Variants in DAB2IP observed in about 807,000 individuals in gnomAD.
DAB2IP encodes the protein DAB2 interacting protein.
A neutral mutation model predicts 107.2 loss-of-function variants in DAB2IP; 28 were observed. The observed-to-expected ratio is 0.26, with a 90% confidence interval of 0.19 to 0.36. The LOEUF (loss-of-function observed/expected upper bound fraction) is 0.36, where lower values mean the gene tolerates loss of function less well. Among genes scored for constraint, DAB2IP ranks in the 10% least tolerant of loss-of-function variants. The pLI, the probability that DAB2IP is intolerant of heterozygous loss-of-function variation, is 1.00. For synonymous variants in DAB2IP, 755 were observed against 706.4 expected (o/e 1.07, Z -1.09); for missense variants, 1,400 against 1,644.7 (o/e 0.85, Z 2.57).
chr9:121,615,704 G>T (rs527366176), intron 1 of DAB2IP, among the ~76,000 whole-genome samples: 1 of 151,192 alleles, frequency 6.6e-6, no homozygotes, highest in East Asian at 2.0e-4. Context: ...TCAGCTCACT[G>T]CAACCTTGGC....
At position 121,651,819 on chromosome 9, in the gene DAB2IP, C is replaced by T. The variant is rs1190231583; in HGVS notation, c.44C>T (p.Ser15Phe). ...GCCAGGAAGAGCACCGGGAGGTCCT[C>T]CTACTACTACCGGCTGCTGAGGCGG... Residue 15 changes from serine to phenylalanine, a missense_variant, in exon 1 of 16, where the codon TCC becomes TTC. Around this residue, in one of 3 missense-constraint regions of DAB2IP, gnomAD observed 283 missense variants for 237.0 expected, o/e 1.19. Transcript: ENST00000408936. This position sits in a 1 kb window ranked among gnomAD's most constrained non-coding sequence, Gnocchi z 5.1. 2.0e-6 allele frequency: 3 copies of T among 1,470,832 alleles called. No individual in the cohort carries two copies. Among genetic ancestry groups the T allele is most frequent in the Admixed American group, 2.2e-5 (1 of 46,334 alleles). The allele number at this position is 1,470,832 out of a possible 1,614,324, so 91.1% of individuals were successfully genotyped here.
rs1394439626 is a variant in DAB2IP at position 121,634,079 on chromosome 9, G to T, written c.41-44599G>T. On this transcript the variant is annotated intron_variant, in intron 1 of 16. Transcript: ENST00000259371. This position sits in a 1 kb window ranked among gnomAD's most constrained non-coding sequence, Gnocchi z 4.7. ...CCCACCAGACTGTCAGCTCTCTGAG[G>T]ACAGGGACTGTGTCAGAGCCCTCTC... 6.6e-6 allele frequency among the ~76,000 whole-genome samples: 1 copy of T among 152,156 alleles called. No individual in the cohort carries two copies. Among genetic ancestry groups the T allele is most frequent in the Non-Finnish European group, 1.5e-5 (1 of 68,036 alleles).
At chr9:121,759,026 G>A in intron 5 of DAB2IP, 30 bp downstream of exon 5, 1 of 1,590,458 alleles carries the variant, frequency 6.3e-7, no homozygotes, top group Non-Finnish European at 8.6e-7. Flanking sequence ...ACCAAAGCAT[G>A]GGGGATTGAA....
intron 3 of DAB2IP, among the ~76,000 whole-genome samples, chr9:121,739,965 C>T (rs910675507): frequency 1.3e-5 from 2 of 152,084 alleles, no homozygotes; most frequent in Non-Finnish European, 2.9e-5. Flanking sequence ...CCTGGGTTCA[C>T]GGGGTAGTAA....
At chr9:121,638,518 G>C (rs922528569) in intron 1 of DAB2IP, among the ~76,000 whole-genome samples, 1 of 152,170 alleles carries the variant, frequency 6.6e-6, no homozygotes, top group Non-Finnish European at 1.5e-5. Context: ...TGGAGGAGGC[G>C]GTGAATTGAG....
At chr9:121,642,006 TC>T (rs1832342106) in intron 1 of DAB2IP, among the ~76,000 whole-genome samples, 1 of 21,638 alleles carries the variant, frequency 4.6e-5, no homozygotes, top group African/African-American at 3.0e-4. Flanking sequence ...TCTCTCTCTC[TC>T]TCTCTCTCTC....
At chr9:121,762,463 A>C (rs552888530) in intron 6 of DAB2IP, among the ~76,000 whole-genome samples, 11 of 152,248 alleles carry the variant, frequency 7.2e-5, no homozygotes, top group African/African-American at 2.4e-4. Flanking sequence ...TCCTCAGGCC[A>C]CATGATCCCC....
chr9:121,713,033 T>C (rs1449652961), intron 3 of DAB2IP, among the ~76,000 whole-genome samples: 1 of 152,180 alleles, frequency 6.6e-6, no homozygotes, highest in East Asian at 1.9e-4. Context: ...TCTTGTAAAC[T>C]TCCCCCTTTG....
chr9:121,766,743 T>TGAG lies in DAB2IP; in HGVS notation c.1697+13_1697+14insGAG. On this transcript the variant is annotated intron_variant, in intron 9 of 15. Transcript: ENST00000408936. ...CCAACTTTGCCAAGTGAGTGCCTCC[T>TGAG]CCCTCACCAGGCAGAGTTGGGCAGG... 1 of 1,613,178 alleles carries TGAG rather than the reference T, an allele frequency of 6.2e-7. No individual in the cohort carries two copies.
chr9:121,759,215 A>G (rs1833709852), intron 5 of DAB2IP, among the ~76,000 whole-genome samples: 1 of 152,166 alleles, frequency 6.6e-6, no homozygotes, highest in African/African-American at 2.4e-5. Context: ...TAAGCTACAC[A>G]TTGAGGCTGG....
chr9:121,690,453 G>A (rs556538798), intron 2 of DAB2IP, among the ~76,000 whole-genome samples: 34 of 152,286 alleles, frequency 2.2e-4, no homozygotes, highest in South Asian at 1.2e-3. Flanking sequence ...AGGGCTGGCT[G>A]AGAGCTTAAA....
At chr9:121,732,847 T>C (rs1342358020) in intron 3 of DAB2IP, among the ~76,000 whole-genome samples, 1 of 152,170 alleles carries the variant, frequency 6.6e-6, no homozygotes, top group Non-Finnish European at 1.5e-5. Flanking sequence ...TTATGGCTCT[T>C]TGGAGAATTA....
At chr9:121,734,388 A>AG (rs1309102077) in intron 3 of DAB2IP, among the ~76,000 whole-genome samples, 1 of 140,444 alleles carries the variant, frequency 7.1e-6, no homozygotes, top group African/African-American at 3.2e-5. Context: ...CGTCTCAAAA[A>AG]AAAAAAAAAA....
In DAB2IP at chr9:121,696,029, C is replaced by T. The variant is rs1450305841; in HGVS notation, c.229-3296C>T. Among the ~76,000 whole-genome samples the T allele has an allele frequency of 3.3e-5, 5 of 151,958 alleles. 1 individual carries two copies. In the South Asian group the frequency reaches 6.3e-4, roughly 19 times the overall value. On this transcript the variant is annotated intron_variant, in intron 2 of 15. Coordinates refer to ENST00000408936, the Ensembl canonical transcript of DAB2IP. ...GATTACAGGCTCGTGCCACCACGCC[C>T]GGCTAATTTTTGTATTTTTAGTAGA... is the stretch of plus-strand genomic sequence containing the variant.
rs199642322 is a variant in DAB2IP at position 121,782,643 on chromosome 9, A to T, written c.*145A>T. On this transcript the variant is annotated 3_prime_UTR_variant, in exon 16 of 16. Transcript: ENST00000408936. The surrounding 1 kb of genome is among the most constrained non-coding windows in gnomAD (Gnocchi z 6.1). Reference sequence around the variant, plus strand: ...CCTCCCCTCCCTGCCGCTGTCCAGGAGGCGGCCGCAGAGGGAGCCACCAGA... The same window carrying T: ...CCTCCCCTCCCTGCCGCTGTCCAGGTGGCGGCCGCAGAGGGAGCCACCAGA... The T allele has an allele frequency of 5.4e-6, 8 of 1,470,828 alleles. No individual in the cohort carries two copies. In the East Asian group the frequency reaches 1.9e-4, roughly 35 times the overall value. 91.1% of individuals were successfully genotyped at this position (1,470,828 alleles called of 1,614,324 possible).
At chr9:121,579,363 G>A (rs950840217) in intron 1 of DAB2IP, among the ~76,000 whole-genome samples, 1 of 151,992 alleles carries the variant, frequency 6.6e-6, no homozygotes, top group Admixed American at 6.6e-5. Flanking sequence ...CCTCTCCTGG[G>A]TTTCCTCTCG....
At chr9:121,647,864 G>A (rs191158404), upstream of DAB2IP, among the ~76,000 whole-genome samples, 7 of 147,858 alleles carry the variant, frequency 4.7e-5, no homozygotes, top group South Asian at 4.2e-4. Context: ...ATACATATAC[G>A]TATTATATAT....
chr9:121,570,187 A>G (rs188511581), intron 1 of DAB2IP, among the ~76,000 whole-genome samples: 59 of 143,004 alleles, frequency 4.1e-4, no homozygotes, highest in Non-Finnish European at 6.2e-4. Flanking sequence ...TCTCAGCTCA[A>G]TTGCAACCTC....
At chr9:121,726,321 C>T (rs1831235238) in intron 3 of DAB2IP, among the ~76,000 whole-genome samples, 1 of 152,194 alleles carries the variant, frequency 6.6e-6, no homozygotes, top group Admixed American at 6.5e-5. Flanking sequence ...CTAGGGAGGG[C>T]ATGGAAGCTC....
Sources: gnomAD v4.1 joint callset for allele counts (sites outside exome capture counted in the v4.1 genomes callset) on GRCh38, gnomAD v4.1.1 for gene constraint, gnomAD v4.1.1 regional missense constraint, Gnocchi (gnomAD v3.1) non-coding constraint, MANE v1.5 for transcripts, NCBI Gene and HGNC (gene_info 2026-07-23, HGNC 2026-07-21) for gene names.